Variants in UROC1 observed in about 807,000 individuals in gnomAD.
The protein encoded by UROC1 is urocanate hydratase 1, also known as urocanate hydratase.
In UROC1, 79 loss-of-function variants were observed where a neutral mutation model predicts 89.5. The observed-to-expected ratio is 0.88, with a 90% CI of 0.74 to 1.06. The LOEUF (loss-of-function observed/expected upper bound fraction) is 1.06. UROC1 is among the 50% of genes least tolerant of loss of function. The probability of loss-of-function intolerance (pLI) is 0.00; values close to 1 mark genes in which losing one functional copy is unlikely to be tolerated. For missense variants in UROC1, 885 were observed against 907.8 expected (o/e 0.97, Z 0.32); for synonymous variants, 361 against 354.8 (o/e 1.02, Z -0.20).
chr3:126,517,390 CA>C (rs1464963343), intron 1 of UROC1, among the ~76,000 whole-genome samples: 2 of 152,168 alleles, frequency 1.3e-5, no homozygotes, highest in African/African-American at 4.8e-5. Flanking sequence ...TGTAAACAGG[CA>C]CGGCGATCCT....
chr3:126,513,081 G>A (rs1936228250), intron 1 of UROC1, among the ~76,000 whole-genome samples: 2 of 152,310 alleles, frequency 1.3e-5, no homozygotes, highest in Non-Finnish European at 2.9e-5. Context: ...CATGGTGGCT[G>A]AGCACCGAAA....
intron 16 of UROC1, among the ~76,000 whole-genome samples, chr3:126,489,701 G>C (rs1312956310): frequency 6.6e-6 from 1 of 152,182 alleles, no homozygotes; most frequent in Non-Finnish European, 1.5e-5. Context: ...ATCACAGAGC[G>C]AGTGAGTCGT....
At chr3:126,507,930 C>G (rs189022378) in intron 5 of UROC1, 37 bp downstream of exon 5, 3 of 1,613,616 alleles carry the variant, frequency 1.9e-6, no homozygotes, top group South Asian at 1.1e-5. Context: ...CTCTTTGGAG[C>G]CCTGGGCAGG....
chr3:126,517,512 G>A (rs2107555443), intron 1 of UROC1, 82 bp downstream of exon 1: 1 of 1,607,086 alleles, frequency 6.2e-7, no homozygotes, highest in Non-Finnish European at 8.5e-7. Context: ...CACTAAGAGG[G>A]CAGGAAGCCT....
intron 9 of UROC1, among the ~76,000 whole-genome samples, chr3:126,502,729 T>C (rs1175194964): frequency 6.7e-6 from 1 of 149,246 alleles, no homozygotes; most frequent in Non-Finnish European, 1.5e-5. Flanking sequence ...GTGTTATGTG[T>C]CTGTTTATGT....
chr3:126,493,515 A>T (rs1034935322), intron 15 of UROC1, among the ~76,000 whole-genome samples: 1 of 152,240 alleles, frequency 6.6e-6, no homozygotes, highest in African/African-American at 2.4e-5. Flanking sequence ...AATAAGTCAG[A>T]CACAAAAGGA....
chr3:126,517,672 G>T lies in UROC1; in HGVS notation c.48C>A (p.Leu16=). Residue 16 remains leucine (L), a synonymous_variant, in exon 1 of 20, where the codon CTC becomes CTA. Transcript: ENST00000290868. ...ALCSGLPLRP[L]PENRGRQAGV... is the part of the protein sequence containing the mutation. ...CAGCCTGGCGTCCCCGGTTCTCTGG[G>T]AGGGGCCGCAGGGGCAGGCCAGAGC... 2 of 1,605,476 alleles carry T rather than the reference G, an allele frequency of 1.2e-6. No homozygotes were observed. Among genetic ancestry groups the T allele is most frequent in the Non-Finnish European group, 8.5e-7 (1 of 1,176,760 alleles).
intron 1 of UROC1, among the ~76,000 whole-genome samples, chr3:126,514,194 G>C (rs80180553): frequency 0.027 from 4,169 of 152,352 alleles, 78 homozygotes; most frequent in South Asian, 0.046. Flanking sequence ...TGTCACTGGA[G>C]ACCTGGAAAT....
intron 14 of UROC1, among the ~76,000 whole-genome samples, chr3:126,496,496 A>C (rs948385439): frequency 6.6e-6 from 1 of 152,204 alleles, no homozygotes; most frequent in African/African-American, 2.4e-5. Flanking sequence ...GTGGCCATCA[A>C]GCTGAGTCTA....
At chr3:126,496,991 C>T (rs534315702) in intron 14 of UROC1, among the ~76,000 whole-genome samples, 10 of 152,274 alleles carry the variant, frequency 6.6e-5, no homozygotes, top group Middle Eastern at 3.4e-3. Flanking sequence ...TGGTCGTTCC[C>T]CACTGGCTGC....
In UROC1 at chr3:126,482,503, A is replaced by G. The variant is rs756707995; in HGVS notation, c.1891-18T>C. 6.2e-7 allele frequency: 1 copy of G among 1,613,642 alleles called. No individual in the cohort carries two copies. Among genetic ancestry groups the G allele is most frequent in the Admixed American group, 1.7e-5 (1 of 60,012 alleles). On this transcript the variant is annotated intron_variant, in intron 19 of 19. Coordinates refer to ENST00000290868, the MANE Select transcript of UROC1 (RefSeq NM_144639.3). ...CGGGCCACCTAGGGCAAGGAGGGGG[A>G]TAGCAGTCCATGTCAACATAACCGG...
rs777300239 is a variant in UROC1, at chr3:126,500,167, A to G, written c.1146-13T>C. 3.7e-6 allele frequency: 6 copies of G among 1,613,066 alleles called. No homozygotes were observed. Among genetic ancestry groups the G allele is most frequent in the Non-Finnish European group, 5.1e-6 (6 of 1,179,900 alleles). On this transcript the variant is annotated splice_polypyrimidine_tract_variant and intron_variant, in intron 11 of 19. Coordinates refer to ENST00000290868, the MANE Select transcript of UROC1 (RefSeq NM_144639.3). ...TTGCCTCCTCAGGCTGCAACAAGCC[A>G]TGGGTCAGCACCACCGCTGTGAGGC...
chr3:126,486,219 C>G (rs1445841803), intron 18 of UROC1, among the ~76,000 whole-genome samples: 2 of 152,242 alleles, frequency 1.3e-5, no homozygotes, highest in Non-Finnish European at 1.5e-5. Context: ...AGAGGCTGCC[C>G]GAGTGGGCCC....
At chr3:126,504,849 T>C (rs561722151) in intron 8 of UROC1, among the ~76,000 whole-genome samples, 3 of 152,286 alleles carry the variant, frequency 2.0e-5, no homozygotes, top group African/African-American at 7.2e-5. Flanking sequence ...GAGCCTACTA[T>C]AGTTGGGATA....
chr3:126,482,154 G>T lies in UROC1; in HGVS notation c.*191C>A. ...CATGGTTGTGGACAGAGAGCTGCAT[G>T]TCTCTGGGCCTCAGGGGGCTGTCTG... is the stretch of plus-strand genomic sequence containing the variant. On this transcript the variant is annotated 3_prime_UTR_variant, in exon 20 of 20. Coordinates refer to ENST00000290868, the MANE Select transcript of UROC1 (RefSeq NM_144639.3). 1 of 738,562 alleles carries T rather than the reference G, an allele frequency of 1.4e-6. No homozygotes were observed. The highest frequency in any genetic ancestry group is 2.2e-6 in the Non-Finnish European group (1 of 457,710). 45.8% of individuals were successfully genotyped at this position (738,562 alleles called of 1,614,324 possible). A position where few individuals can be genotyped will look rare whatever the true frequency, so the allele number is the denominator to read the frequency against.
At chr3:126,496,244 C>T (rs1408294064) in intron 14 of UROC1, 136 bp from the exon 15 acceptor site, 1 of 784,370 alleles carries the variant, frequency 1.3e-6, no homozygotes, top group Non-Finnish European at 2.2e-6. Context: ...GAGCCCACCC[C>T]ACCCCACCCC....
At chr3:126,488,306 A>G (rs780943793) in intron 17 of UROC1, 27 bp from the exon 18 acceptor site, 2 of 1,613,518 alleles carry the variant, frequency 1.2e-6, no homozygotes, top group Admixed American at 3.3e-5. Context: ...GCCTCTGCTC[A>G]TCACCCCCTG....
At chr3:126,515,617 C>G (rs1936291378) in intron 1 of UROC1, among the ~76,000 whole-genome samples, 1 of 96,316 alleles carries the variant, frequency 1.0e-5, no homozygotes, top group Non-Finnish European at 2.1e-5. Context: ...GCACCCACCA[C>G]CTACCATCCC....
chr3:126,498,253 AG>A, intron 13 of UROC1, 81 bp from the exon 14 acceptor site: 1 of 1,608,138 alleles, frequency 6.2e-7, no homozygotes, highest in South Asian at 1.1e-5. Flanking sequence ...GCCAGGGAGG[AG>A]GGCTCAGCAT....
Sources: allele counts gnomAD v4.1 joint callset (sites outside exome capture counted in the v4.1 genomes callset), GRCh38; gene constraint gnomAD v4.1.1; transcripts MANE v1.5; gene names NCBI Gene and HGNC (gene_info 2026-07-23, HGNC 2026-07-21).